Variants in CUL5 observed in about 807,000 individuals in gnomAD.
The protein encoded by CUL5 is cullin 5, also known as cullin-5.
A neutral mutation model predicts 108.8 loss-of-function variants in CUL5; 26 were observed. That is an observed-to-expected ratio of 0.24 (90% CI 0.18 to 0.33). The LOEUF (loss-of-function observed/expected upper bound fraction) is 0.33. CUL5 is among the 10% of genes least tolerant of loss of function. The probability of loss-of-function intolerance (pLI) is 1.00; values close to 1 mark genes in which losing one functional copy is unlikely to be tolerated. For synonymous variants in CUL5, 334 were observed against 298.0 expected (o/e 1.12, Z -1.25); for missense variants, 524 against 909.2 (o/e 0.58, Z 5.45).
At chr11:108,053,896 A>G (rs1009353392) in intron 5 of CUL5, among the ~76,000 whole-genome samples, 1 of 151,740 alleles carries the variant, frequency 6.6e-6, no homozygotes, top group Non-Finnish European at 1.5e-5. Context: ...TCTGTCACCC[A>G]GGCTGAAGTG....
intron 1 of CUL5, among the ~76,000 whole-genome samples, chr11:108,014,755 T>C (rs958331722): frequency 2.6e-5 from 4 of 152,198 alleles, no homozygotes; most frequent in Non-Finnish European, 5.9e-5. Context: ...GCTCCTGCCC[T>C]TGTATAATTT....
intron 11 of CUL5, among the ~76,000 whole-genome samples, chr11:108,083,658 G>A (rs1458311733): frequency 6.6e-6 from 1 of 152,218 alleles, no homozygotes; most frequent in African/African-American, 2.4e-5. Flanking sequence ...GAGCATGATG[G>A]TGCGTGCCTG....
At chr11:108,102,002 A>C (rs1312368723) in intron 18 of CUL5, among the ~76,000 whole-genome samples, 1 of 151,974 alleles carries the variant, frequency 6.6e-6, no homozygotes, top group Non-Finnish European at 1.5e-5. Context: ...TGGTGTCATC[A>C]TATCTTTTAT....
intron 1 of CUL5, among the ~76,000 whole-genome samples, 153 bp downstream of exon 1, chr11:108,009,525 A>T (rs937367484): frequency 1.3e-5 from 2 of 151,186 alleles, no homozygotes; most frequent in African/African-American, 4.9e-5. Context: ...GAGTACCGGA[A>T]CGCGGGTCTG....
chr11:108,077,306 A>C (rs1863963720), intron 10 of CUL5, among the ~76,000 whole-genome samples: 1 of 152,238 alleles, frequency 6.6e-6, no homozygotes, highest in African/African-American at 2.4e-5. Flanking sequence ...AGATGGAGAT[A>C]AACCATTGTC....
chr11:108,050,096 A>C (rs1863173456), intron 4 of CUL5, 30 bp downstream of exon 4: 2 of 1,524,602 alleles, frequency 1.3e-6, no homozygotes, highest in African/African-American at 1.4e-5. Flanking sequence ...TGTTTTCCTA[A>C]TATTCTTCAG....
intron 7 of CUL5, among the ~76,000 whole-genome samples, chr11:108,066,391 C>T (rs1863680026): frequency 6.6e-6 from 1 of 151,986 alleles, no homozygotes; most frequent in Non-Finnish European, 1.5e-5. Context: ...ATTTTTAAGA[C>T]CCTTCATAAT....
chr11:108,048,725 A>G (rs191690865), intron 3 of CUL5, among the ~76,000 whole-genome samples: 1 of 141,792 alleles, frequency 7.1e-6, no homozygotes, highest in Admixed American at 7.1e-5. Flanking sequence ...GCAGTGCAGT[A>G]GCGCGATCTC....
intron 2 of CUL5, among the ~76,000 whole-genome samples, chr11:108,042,963 A>G (rs1055331635): frequency 1.3e-5 from 2 of 152,092 alleles, no homozygotes; most frequent in African/African-American, 4.8e-5. Context: ...GAGTTTCGCT[A>G]TGTTGGCCAG....
intron 3 of CUL5, 56 bp from the exon 4 acceptor site, chr11:108,049,834 C>A: frequency 7.1e-7 from 1 of 1,410,108 alleles, no homozygotes; most frequent in Non-Finnish European, 9.8e-7. Context: ...TGAATATGTT[C>A]TTAATTTTTC....
intron 1 of CUL5, among the ~76,000 whole-genome samples, chr11:108,020,255 T>G (rs1163172674): frequency 1.3e-5 from 2 of 152,158 alleles, no homozygotes; most frequent in Non-Finnish European, 2.9e-5. Flanking sequence ...ATAGCCTCAG[T>G]CAGGTCCTTT....
chr11:108,102,647 T>C (rs1459569580), intron 18 of CUL5, among the ~76,000 whole-genome samples: 1 of 152,130 alleles, frequency 6.6e-6, no homozygotes, highest in Non-Finnish European at 1.5e-5. Context: ...CATATCTATA[T>C]AGGGGAAGTT....
At chr11:108,017,122 C>T (rs1387597064) in intron 1 of CUL5, among the ~76,000 whole-genome samples, 2 of 152,140 alleles carry the variant, frequency 1.3e-5, no homozygotes, top group African/African-American at 4.8e-5. Flanking sequence ...GGCACAGTGG[C>T]TCACACCTGT....
chr11:108,101,400 A>G (rs1864661554), intron 18 of CUL5, among the ~76,000 whole-genome samples: 1 of 152,232 alleles, frequency 6.6e-6, no homozygotes, highest in African/African-American at 2.4e-5. Context: ...GCTGTTGTCT[A>G]CAGCAGATGA....
chr11:108,068,224 T>C (rs995433993), intron 7 of CUL5, among the ~76,000 whole-genome samples: 14 of 152,232 alleles, frequency 9.2e-5, no homozygotes, highest in Admixed American at 8.5e-4. Context: ...CAGCCATGTG[T>C]ATTATTTTCT....
chr11:108,055,638 C>T (rs77535217), intron 7 of CUL5, among the ~76,000 whole-genome samples: 1 of 145,280 alleles, frequency 6.9e-6, no homozygotes, highest in African/African-American at 2.5e-5. Context: ...TATACTTTAT[C>T]TTTTTTTTTT....
Position 108,098,457 on chromosome 11 carries a change from G to A in CUL5, c.2076G>A (p.Leu692=). The change falls in exon 18 of 19, where the codon TTG becomes TTA. Residue 692 remains leucine, a synonymous_variant. Coordinates refer to ENST00000393094, the MANE Select transcript of CUL5 (RefSeq NM_003478.6). ...GTAAAATCAACTTGATTGGACGTTT[G>A]CAGCTCACTACAGAAAGGATGAGAG... The part of the protein sequence containing the change: ...KRGKINLIGR[L]QLTTERMREE... The A allele has an allele frequency of 1.2e-6, 2 of 1,605,724 alleles. No homozygotes were observed. Among genetic ancestry groups the A allele is most frequent in the East Asian group, 2.3e-5 (1 of 44,230 alleles).
At chr11:108,099,127 C>T (rs1181919236) in intron 18 of CUL5, among the ~76,000 whole-genome samples, 1 of 151,696 alleles carries the variant, frequency 6.6e-6, no homozygotes, top group African/African-American at 2.4e-5. Flanking sequence ...ACCTCTGCCT[C>T]CGGATTAGCT....
At chr11:108,034,138 G>T (rs1311412238) in intron 2 of CUL5, among the ~76,000 whole-genome samples, 2 of 152,162 alleles carry the variant, frequency 1.3e-5, no homozygotes, top group Non-Finnish European at 2.9e-5. Flanking sequence ...ACAGTGAAGG[G>T]ATCCAAAGCA....
Sources: gnomAD v4.1 joint callset for allele counts (sites outside exome capture counted in the v4.1 genomes callset) on GRCh38, gnomAD v4.1.1 for gene constraint, MANE v1.5 for transcripts, NCBI Gene and HGNC (gene_info 2026-07-23, HGNC 2026-07-21) for gene names.